Variants in CHRM3 observed in about 807,000 individuals in gnomAD.
CHRM3 encodes cholinergic receptor muscarinic 3.
Under a neutral mutation model 41.8 loss-of-function variants are expected in CHRM3, and 11 were observed. The ratio of observed to expected loss-of-function variants is 0.26; its 90% CI spans 0.17 to 0.44. CHRM3 has a LOEUF of 0.44. CHRM3 is among the 20% of genes least tolerant of loss of function. CHRM3 has a pLI of 1.00. For missense variants in CHRM3, 571 were observed against 745.4 expected (o/e 0.77, Z 2.72); for synonymous variants, 297 against 301.4 (o/e 0.99, Z 0.15).
In CHRM3 at chr1:239,685,385, A is replaced by G. The variant is rs114140255; in HGVS notation, c.-147+7097A>G. Among the ~76,000 whole-genome samples, 991 of 152,310 alleles carry G rather than the reference A, an allele frequency of 6.5e-3. 11 individuals are homozygous for G. The highest frequency in any genetic ancestry group is 0.023 in the African/African-American group (937 of 41,548). On this transcript the variant is annotated intron_variant, in intron 5 of 6. Transcript: ENST00000676153. ...TCTCCCCAGTTCACTATTAGTGGCA[A>G]TTCATTGGTTTTCTTACAAGAAGGG...
chr1:239,400,321 G>A (rs1184753158), intron 1 of CHRM3, among the ~76,000 whole-genome samples: 1 of 152,012 alleles, frequency 6.6e-6, no homozygotes, highest in Non-Finnish European at 1.5e-5. Context: ...TTGCTATTGA[G>A]TTTTTGACTT....
At chr1:239,806,523 G>A (rs1362603596) in intron 5 of CHRM3, among the ~76,000 whole-genome samples, 1 of 152,148 alleles carries the variant, frequency 6.6e-6, no homozygotes, top group Non-Finnish European at 1.5e-5. Context: ...AGGATTGACT[G>A]CAGGAATTAA....
At position 239,470,986 on chromosome 1, in the gene CHRM3, T is replaced by G. The variant is rs983760121; in HGVS notation, c.-520-21723T>G. 1.1e-4 allele frequency among the ~76,000 whole-genome samples: 16 copies of G among 152,294 alleles called. No homozygotes were observed. The East Asian group carries it at 3.1e-3, about 29-fold the overall frequency. On this transcript the variant is annotated intron_variant, in intron 1 of 6. Transcript: ENST00000676153. ...CATTCACTTCCTGCAAAATTTCTGG[T>G]GAAATAAAATAGTTTCCAGTGGAAA...
At position 239,699,662 on chromosome 1, in the gene CHRM3, G is replaced by T. The variant is rs553919924; in HGVS notation, c.-147+21374G>T. Among the ~76,000 whole-genome samples the T allele has an allele frequency of 1.8e-4, 27 of 152,228 alleles. No individual in the cohort carries two copies. The South Asian group carries it at 5.4e-3, about 30-fold the overall frequency. Reference sequence around the variant, plus strand: ...TGATTGTTCATAACAATAAAATTAGGATGTATGTCTTCATACATAAAGTAT... The same window carrying T: ...TGATTGTTCATAACAATAAAATTAGTATGTATGTCTTCATACATAAAGTAT... On this transcript the variant is annotated intron_variant, in intron 5 of 6. Transcript: ENST00000676153.
At chr1:239,553,506 A>C (rs1660063099) in intron 3 of CHRM3, among the ~76,000 whole-genome samples, 1 of 152,118 alleles carries the variant, frequency 6.6e-6, no homozygotes, top group African/African-American at 2.4e-5. Context: ...ATAAAAATCA[A>C]ATAATATCAT....
At chr1:239,880,584 C>T (rs560665826) in intron 6 of CHRM3, among the ~76,000 whole-genome samples, 4 of 152,206 alleles carry the variant, frequency 2.6e-5, no homozygotes, top group Non-Finnish European at 5.9e-5. Flanking sequence ...AGGCCGCTAA[C>T]TCCTGGGCCA....
At chr1:239,405,246 C>T (rs1326398042) in intron 1 of CHRM3, among the ~76,000 whole-genome samples, 2 of 152,078 alleles carry the variant, frequency 1.3e-5, no homozygotes, top group Non-Finnish European at 2.9e-5. Flanking sequence ...TAGCAAAACC[C>T]TCGAGCCAGG....
intron 2 of CHRM3, among the ~76,000 whole-genome samples, chr1:239,538,410 A>G (rs1572643395): frequency 6.6e-6 from 1 of 152,068 alleles, no homozygotes; most frequent in South Asian, 2.1e-4. Context: ...CCCTCTATCA[A>G]ACAGCTTGAC....
At chr1:239,711,950 T>C (rs1661841880) in intron 5 of CHRM3, among the ~76,000 whole-genome samples, 1 of 152,140 alleles carries the variant, frequency 6.6e-6, no homozygotes, top group Admixed American at 6.6e-5. Flanking sequence ...CCTTTAGCTA[T>C]AGCTAGATCC....
intron 3 of CHRM3, among the ~76,000 whole-genome samples, chr1:239,609,408 G>T (rs986651192): frequency 6.6e-6 from 1 of 152,158 alleles, no homozygotes; most frequent in African/African-American, 2.4e-5. Context: ...TCCATAGACA[G>T]TTGGCTTTTT....
chr1:239,642,500 C>T (rs1671278058), intron 4 of CHRM3, among the ~76,000 whole-genome samples: 2 of 152,126 alleles, frequency 1.3e-5, no homozygotes. Context: ...TCCCTTCTCG[C>T]TTCATTTCAT....
chr1:239,672,097 C>T (rs563864128), intron 4 of CHRM3, among the ~76,000 whole-genome samples: 24 of 152,188 alleles, frequency 1.6e-4, no homozygotes, highest in African/African-American at 4.8e-4. Context: ...CACATGTAGC[C>T]CTCTATTGAT....
chr1:239,527,543 A>T (rs1303717360), intron 2 of CHRM3, among the ~76,000 whole-genome samples: 1 of 152,062 alleles, frequency 6.6e-6, no homozygotes, highest in African/African-American at 2.4e-5. Context: ...CAGGTCTGAG[A>T]TTTTTGCTCT....
chr1:239,769,613 G>T (rs1044426081), intron 5 of CHRM3, among the ~76,000 whole-genome samples: 1 of 152,278 alleles, frequency 6.6e-6, no homozygotes, highest in Admixed American at 6.5e-5. Context: ...AGAATTATTT[G>T]TGTGGCGCCT....
rs183175582 is a variant in CHRM3 at position 239,777,319 on chromosome 1, G to A, written c.-146-49933G>A. ...CTGTAGGTTAGTTCATTTTGATTTT[G>A]GAACAACGTTTGAGGGAGGTTCTCA... On this transcript the variant is annotated intron_variant, in intron 5 of 6. Coordinates refer to ENST00000676153, the MANE Select transcript of CHRM3 (RefSeq NM_001375978.1). 6.5e-3 allele frequency among the ~76,000 whole-genome samples: 991 copies of A among 152,176 alleles called. 11 individuals are homozygous for A. Among genetic ancestry groups the A allele is most frequent in the African/African-American group, 0.022 (901 of 41,510 alleles).
chr1:239,698,794 T>G (rs1407408180), intron 5 of CHRM3, among the ~76,000 whole-genome samples: 2 of 152,116 alleles, frequency 1.3e-5, no homozygotes, highest in Non-Finnish European at 2.9e-5. Flanking sequence ...GGTATACAGG[T>G]GCCATCCCTC....
intron 3 of CHRM3, among the ~76,000 whole-genome samples, chr1:239,595,827 T>C (rs1664713504): frequency 6.6e-6 from 1 of 152,140 alleles, no homozygotes; most frequent in Admixed American, 6.6e-5. Context: ...TATAGCTCCA[T>C]TTTTTTATTT....
chr1:239,397,802 T>G (rs1315531773), intron 1 of CHRM3, among the ~76,000 whole-genome samples: 1 of 149,954 alleles, frequency 6.7e-6, no homozygotes, highest in East Asian at 1.9e-4. Context: ...ACCAAAAATT[T>G]TAGTGTATTT....
chr1:239,483,049 G>C lies in CHRM3; in HGVS notation c.-520-9660G>C, dbSNP rs182400253. ...TTTGAATCAAATGGATCTCTTTAGA[G>C]TTGCTTTTTGGTTTGGGTTCATCAC... On this transcript the variant is annotated intron_variant, in intron 1 of 6. Transcript: ENST00000676153. Among the ~76,000 whole-genome samples, 4 of 152,274 alleles carry C rather than the reference G, an allele frequency of 2.6e-5. No homozygotes were observed. The East Asian group carries it at 5.8e-4, about 22-fold the overall frequency.
Sources: gnomAD v4.1 joint callset for allele counts (sites outside exome capture counted in the v4.1 genomes callset) on GRCh38, gnomAD v4.1.1 for gene constraint, MANE v1.5 for transcripts, NCBI Gene and HGNC (gene_info 2026-07-23, HGNC 2026-07-21) for gene names.